The following CFDP1 variants were observed in gnomAD, a reference collection of about 807,000 sequenced individuals.
The protein encoded by CFDP1 is chromatin remodeling protein CFDP1, also known as heterochromatin-stabilizing protein CFDP1.
A neutral mutation model predicts 40.1 loss-of-function variants in CFDP1; 31 were observed. The observed-to-expected ratio is 0.77, with a 90% CI of 0.58 to 1.04. The LOEUF (loss-of-function observed/expected upper bound fraction) is 1.04. Among genes scored for constraint, CFDP1 ranks in the 50% least tolerant of loss-of-function variants. The probability of loss-of-function intolerance (pLI) is 0.00; values close to 1 mark genes in which losing one functional copy is unlikely to be tolerated. For missense variants in CFDP1, 423 were observed against 343.4 expected (o/e 1.23, Z -1.83); for synonymous variants, 167 against 120.0 (o/e 1.39, Z -2.56).
intron 5 of CFDP1, among the ~76,000 whole-genome samples, chr16:75,392,120 T>G (rs1184309710): frequency 1.3e-5 from 2 of 151,864 alleles, no homozygotes; most frequent in African/African-American, 4.8e-5. Context: ...AAATACAGCT[T>G]GTTGGATGGG....
intron 5 of CFDP1, among the ~76,000 whole-genome samples, chr16:75,372,051 T>G (rs2078756095): frequency 6.6e-6 from 1 of 152,200 alleles, no homozygotes; most frequent in South Asian, 2.1e-4. Flanking sequence ...ATTTTACAGC[T>G]AAAAGAATTA....
chr16:75,323,169 G>C (rs910066183), intron 5 of CFDP1, among the ~76,000 whole-genome samples: 1 of 150,156 alleles, frequency 6.7e-6, no homozygotes, highest in African/African-American at 2.5e-5. Flanking sequence ...TTTATACCCT[G>C]TTTCTGTAAG....
chr16:75,390,535 T>C (rs1028155243), intron 5 of CFDP1, among the ~76,000 whole-genome samples: 1 of 152,232 alleles, frequency 6.6e-6, no homozygotes, highest in Non-Finnish European at 1.5e-5. Context: ...CAGCTGTCTT[T>C]GCTGTATTCG....
chr16:75,395,119 T>C lies in CFDP1; in HGVS notation c.621A>G (p.Ser207=), dbSNP rs1391000806. The change falls in exon 5 of 7, where the codon TCA becomes TCG. Residue 207 remains serine (S), a synonymous_variant. Coordinates refer to ENST00000283882, the MANE Select transcript of CFDP1 (RefSeq NM_006324.3). The part of the protein sequence containing the change: ...EKEKPQANVP[S]ALPSLPAGSG... ...ACCCGGCAGGGAGTGATGGCAGAGC[T>C]GAAGGAACATTAGCCTGTGGTTTTT... The C allele has an allele frequency of 3.7e-6, 6 of 1,613,810 alleles. No individual in the cohort carries two copies. The highest frequency in any genetic ancestry group is 5.1e-6 in the Non-Finnish European group (6 of 1,179,918).
intron 5 of CFDP1, among the ~76,000 whole-genome samples, chr16:75,326,634 T>C (rs527481980): frequency 1.3e-5 from 2 of 152,280 alleles, no homozygotes; most frequent in East Asian, 1.9e-4. Flanking sequence ...AAAAAGGAAC[T>C]GGTGCTTCTT....
intron 5 of CFDP1, among the ~76,000 whole-genome samples, chr16:75,346,094 G>A (rs183029495): frequency 2.3e-4 from 35 of 152,342 alleles, no homozygotes; most frequent in African/African-American, 7.7e-4. Context: ...CATCTCCCAT[G>A]AGCACTTCAC....
At chr16:75,431,643 GA>G (rs947444445) in intron 1 of CFDP1, among the ~76,000 whole-genome samples, 1 of 150,716 alleles carries the variant, frequency 6.6e-6, no homozygotes, top group East Asian at 1.9e-4. Context: ...TGTCTCGAAA[GA>G]AAAAAAAACA....
At chr16:75,433,155 G>A in intron 1 of CFDP1, 134 bp downstream of exon 1, 1 of 784,162 alleles carries the variant, frequency 1.3e-6, no homozygotes, top group Non-Finnish European at 2.0e-6. Context: ...GGGGCCTGAG[G>A]GAGCGGACGC....
At position 75,396,049 on chromosome 16, in the gene CFDP1, A is replaced by T. The variant is rs1055193949; in HGVS notation, c.531-840T>A. On this transcript the variant is annotated intron_variant, in intron 4 of 6. Coordinates refer to ENST00000283882, the MANE Select transcript of CFDP1 (RefSeq NM_006324.3). Reference sequence around the variant, plus strand: ...TTCTCAGCATGAAACACACTGCAGCAGTCAATACTAAATCTCCATGCTGGT... The same window carrying T: ...TTCTCAGCATGAAACACACTGCAGCTGTCAATACTAAATCTCCATGCTGGT... Among the ~76,000 whole-genome samples the T allele has an allele frequency of 1.6e-4, 17 of 103,294 alleles. 6 individuals are homozygous for T. Among genetic ancestry groups the T allele is most frequent in the Non-Finnish European group, 4.6e-5 (2 of 43,298 alleles). The allele number at this position is 103,294 out of a possible 152,430, so 67.8% of individuals were successfully genotyped here.
intron 5 of CFDP1, among the ~76,000 whole-genome samples, chr16:75,353,550 A>T (rs1393768521): frequency 2.0e-5 from 3 of 151,986 alleles, no homozygotes; most frequent in Non-Finnish European, 4.4e-5. Context: ...TCACAAGGTC[A>T]GGAGATCGAG....
intron 6 of CFDP1, among the ~76,000 whole-genome samples, chr16:75,295,825 A>AT (rs2078178260): frequency 1.3e-5 from 2 of 152,212 alleles, no homozygotes; most frequent in Admixed American, 6.5e-5. Context: ...ACCCCTTTAG[A>AT]TAAAAAGAGA....
At chr16:75,383,433 A>G (rs375606008) in intron 5 of CFDP1, among the ~76,000 whole-genome samples, 7 of 152,352 alleles carry the variant, frequency 4.6e-5, no homozygotes, top group African/African-American at 1.7e-4. Context: ...GATGAATGAC[A>G]TTCTTCCCTG....
chr16:75,349,779 A>AT (rs1304608538), intron 5 of CFDP1, among the ~76,000 whole-genome samples: 1 of 142,448 alleles, frequency 7.0e-6, no homozygotes, highest in African/African-American at 2.6e-5. Flanking sequence ...GTTCTAATCA[A>AT]TTTTTAGTGG....
chr16:75,362,571 C>T (rs2078686901), intron 5 of CFDP1, among the ~76,000 whole-genome samples: 1 of 152,160 alleles, frequency 6.6e-6, no homozygotes, highest in Non-Finnish European at 1.5e-5. Context: ...AACCATGTAA[C>T]ATAATAATGC....
intron 5 of CFDP1, among the ~76,000 whole-genome samples, chr16:75,353,237 G>T (rs2078624658): frequency 6.6e-6 from 1 of 152,128 alleles, no homozygotes; most frequent in Non-Finnish European, 1.5e-5. Flanking sequence ...AGACCAATTA[G>T]ATATTTAAAC....
At chr16:75,338,432 G>A (rs941587891) in intron 5 of CFDP1, among the ~76,000 whole-genome samples, 2 of 152,112 alleles carry the variant, frequency 1.3e-5, no homozygotes, top group Non-Finnish European at 2.9e-5. Flanking sequence ...GTCCATTCAG[G>A]GAATGTTCAG....
intron 1 of CFDP1, among the ~76,000 whole-genome samples, chr16:75,432,867 C>T (rs1437784725): frequency 6.6e-6 from 1 of 151,958 alleles, no homozygotes; most frequent in Non-Finnish European, 1.5e-5. Context: ...TTTCTAACAA[C>T]CAGGCGGAGA....
At chr16:75,325,322 C>T (rs896361265) in intron 5 of CFDP1, among the ~76,000 whole-genome samples, 1 of 152,200 alleles carries the variant, frequency 6.6e-6, no homozygotes, top group Non-Finnish European at 1.5e-5. Context: ...ACCTTAGAGG[C>T]CTTGCCTCAA....
At chr16:75,377,970 C>T (rs1170249541) in intron 5 of CFDP1, among the ~76,000 whole-genome samples, 1 of 152,206 alleles carries the variant, frequency 6.6e-6, no homozygotes, top group Non-Finnish European at 1.5e-5. Context: ...GCACATTATA[C>T]ATCAAAATCC....
Sources: gnomAD v4.1 joint callset for allele counts (sites outside exome capture counted in the v4.1 genomes callset) on GRCh38, gnomAD v4.1.1 for gene constraint, MANE v1.5 for transcripts, NCBI Gene and HGNC (gene_info 2026-07-23, HGNC 2026-07-21) for gene names.